GARNL3: variants seen among roughly 807,000 people sequenced by gnomAD.
GARNL3 encodes the protein GTPase activating Rap/RanGAP domain like 3, also known as GTPase-activating Rap/Ran-GAP domain-like protein 3.
Under a neutral mutation model 125.0 loss-of-function variants are expected in GARNL3, and 63 were observed. The observed-to-expected ratio is 0.50, with a 90% CI of 0.41 to 0.62. The LOEUF (loss-of-function observed/expected upper bound fraction) is 0.62, where lower values mean the gene tolerates loss of function less well. GARNL3 is among the 20% of genes least tolerant of loss of function. GARNL3 has a pLI of 0.00. For synonymous variants in GARNL3, 439 were observed against 457.5 expected (o/e 0.96, Z 0.52); for missense variants, 994 against 1,244.0 (o/e 0.80, Z 3.02).
chr9:127,333,019 G>A lies in GARNL3; in HGVS notation c.671-4G>A, dbSNP rs1482546100. 1.2e-6 allele frequency: 2 copies of A among 1,605,140 alleles called. No homozygotes were observed. Reference sequence around the variant, plus strand: ...CTTTCCTCATACTCTACTTCTTCCTGCAGAAATTGGAAGCGAGCCTTTTCA... The same window carrying A: ...CTTTCCTCATACTCTACTTCTTCCTACAGAAATTGGAAGCGAGCCTTTTCA... On this transcript the variant is annotated splice_polypyrimidine_tract_variant and splice_region_variant and intron_variant, in intron 8 of 27. Coordinates refer to ENST00000373387, the MANE Select transcript of GARNL3 (RefSeq NM_032293.5).
At chr9:127,299,581 T>G (rs1331512603) in intron 2 of GARNL3, among the ~76,000 whole-genome samples, 1 of 151,544 alleles carries the variant, frequency 6.6e-6, no homozygotes, top group Non-Finnish European at 1.5e-5. Flanking sequence ...TTTGTTTTTG[T>G]TTTTTTTGAG....
At chr9:127,368,163 T>C (rs1564185792) in intron 22 of GARNL3, among the ~76,000 whole-genome samples, 1 of 150,176 alleles carries the variant, frequency 6.7e-6, no homozygotes, top group Non-Finnish European at 1.5e-5. Flanking sequence ...GGCGACGGGA[T>C]CCACAAGGTT....
upstream of GARNL3, among the ~76,000 whole-genome samples, chr9:127,260,383 G>A (rs979764239): frequency 5.9e-5 from 9 of 152,140 alleles, no homozygotes; most frequent in Non-Finnish European, 8.8e-5. Context: ...ACAACCTCTC[G>A]GAATAGGGCC....
intron 19 of GARNL3, 147 bp downstream of exon 19, chr9:127,354,557 T>A: frequency 1.8e-6 from 1 of 561,950 alleles, no homozygotes; most frequent in Non-Finnish European, 3.2e-6. Context: ...GCATCACTGT[T>A]TCCAGAAGGA....
intron 2 of GARNL3, chr9:127,300,235 T>C: frequency 3.4e-6 from 1 of 296,672 alleles, no homozygotes; most frequent in East Asian, 9.4e-5. Context: ...ACACAATTTT[T>C]GAGCAAAAAA....
chr9:127,333,264 A>G (rs2131576090), intron 9 of GARNL3, 143 bp downstream of exon 9: 1 of 646,960 alleles, frequency 1.5e-6, no homozygotes, highest in Non-Finnish European at 2.7e-6. Flanking sequence ...ACCCTGTTCA[A>G]CATAGAGTCA....
intron 2 of GARNL3, among the ~76,000 whole-genome samples, chr9:127,249,326 G>A (rs1180369849): frequency 6.6e-6 from 1 of 152,180 alleles, no homozygotes; most frequent in Non-Finnish European, 1.5e-5. Flanking sequence ...GCTCACACCT[G>A]TAATCCCAGC....
chr9:127,239,478 A>G (rs1032326900), intron 1 of GARNL3, among the ~76,000 whole-genome samples: 10 of 152,170 alleles, frequency 6.6e-5, no homozygotes, highest in African/African-American at 2.4e-4. Context: ...GTTTGTCTAC[A>G]CTTAATCATA....
intron 20 of GARNL3, chr9:127,356,406 T>G (rs767557702): frequency 6.6e-6 from 1 of 152,202 alleles, no homozygotes; most frequent in Non-Finnish European, 1.5e-5. Context: ...CTCCCTGACA[T>G]CACCATCTCT....
intron 7 of GARNL3, among the ~76,000 whole-genome samples, chr9:127,329,402 A>T (rs952229232): frequency 6.6e-5 from 10 of 152,272 alleles, no homozygotes; most frequent in African/African-American, 2.2e-4. Flanking sequence ...TGAAGATCCT[A>T]CACCCTTGGG....
In GARNL3 at chr9:127,264,957, T is replaced by C. The variant is rs959146469; in HGVS notation, c.80T>C (p.Val27Ala). The C allele has an allele frequency of 2.5e-6, 4 of 1,613,306 alleles. No individual in the cohort carries two copies. In the African/African-American group the frequency reaches 4.0e-5, roughly 16 times the overall value. Residue 27 changes from valine to alanine, a missense_variant, in exon 1 of 28, where the codon GTC becomes GCC. Physicochemically the swap from Val to Ala is moderately conservative, Grantham distance 64. Transcript: ENST00000373387. ...ATGAAGCATTTTTGTTCCAGCTCTG[T>C]CTCGGAAGACCTAGGCTGTAGACGT... ...ILMKHFCSSS[V>A]SEDLGCRRGD...
Position 127,383,360 on chromosome 9 carries a change from C to A in GARNL3, c.2162-78C>A, listed in dbSNP as rs553603432. 8.9e-5 allele frequency: 75 copies of A among 843,206 alleles called. No homozygotes were observed. In the African/African-American group the frequency reaches 1.1e-3, roughly 13 times the overall value. The allele number at this position is 843,206 out of a possible 1,614,324, so 52.2% of individuals were successfully genotyped here. On this transcript the variant is annotated intron_variant, in intron 22 of 27. Coordinates refer to ENST00000373387, the MANE Select transcript of GARNL3 (RefSeq NM_032293.5). ...AGCAGATAGGGTACTATTCTTGTTG[C>A]CTGTTTTTCATTTCTTTAATTACAG...
chr9:127,229,786 A>G (rs1231433578), intron 1 of GARNL3, among the ~76,000 whole-genome samples: 1 of 152,198 alleles, frequency 6.6e-6, no homozygotes, highest in African/African-American at 2.4e-5. Context: ...TTGAGCCACC[A>G]TACCCAGCAG....
intron 22 of GARNL3, among the ~76,000 whole-genome samples, chr9:127,376,599 T>C (rs1831932685): frequency 6.6e-6 from 1 of 152,154 alleles, no homozygotes; most frequent in South Asian, 2.1e-4. Flanking sequence ...TCTTTCTTTC[T>C]TTCTTTTTTA....
In GARNL3 at chr9:127,385,918, ATG is replaced by A. The variant is rs919149371; in HGVS notation, c.2388+784_2388+785del. 4.6e-5 allele frequency among the ~76,000 whole-genome samples: 7 copies of A among 152,150 alleles called. No homozygotes were observed. The highest frequency in any genetic ancestry group is 6.5e-5 in the Admixed American group (1 of 15,282). ...CTTCAGTCCCGCAGTGCTCTGGAAA[ATG>A]TGTGTGTGTGCACATATGTGCATAT... On this transcript the variant is annotated intron_variant, in intron 24 of 27. Coordinates refer to ENST00000373387, the MANE Select transcript of GARNL3 (RefSeq NM_032293.5). This position sits in a 1 kb window ranked among gnomAD's most constrained non-coding sequence, Gnocchi z 4.1.
At chr9:127,367,769 T>G (rs1325064358) in intron 22 of GARNL3, among the ~76,000 whole-genome samples, 2 of 152,194 alleles carry the variant, frequency 1.3e-5, no homozygotes, top group Non-Finnish European at 2.9e-5. Flanking sequence ...AAAGCTCGCA[T>G]AAGTGCCCCT....
chr9:127,354,156 G>T, intron 18 of GARNL3, 138 bp from the exon 19 acceptor site: 1 of 707,502 alleles, frequency 1.4e-6, no homozygotes, highest in Non-Finnish European at 2.5e-6. Flanking sequence ...GCATTGTCAG[G>T]TTAAAGTGGT....
chr9:127,323,821 A>G (rs951061149), intron 6 of GARNL3, among the ~76,000 whole-genome samples: 2 of 152,214 alleles, frequency 1.3e-5, no homozygotes, highest in African/African-American at 4.8e-5. Context: ...AAAATTAATA[A>G]AAACCACAAG....
intron 14 of GARNL3, 36 bp downstream of exon 14, chr9:127,342,370 G>C (rs1363026624): frequency 7.3e-7 from 1 of 1,374,780 alleles, no homozygotes; most frequent in Admixed American, 1.7e-5. Context: ...TCCTTCTTAT[G>C]GGGTCTGAGT....
Sources: gnomAD v4.1 joint callset for allele counts (sites outside exome capture counted in the v4.1 genomes callset) on GRCh38, gnomAD v4.1.1 for gene constraint, Gnocchi (gnomAD v3.1) non-coding constraint, MANE v1.5 for transcripts, NCBI Gene and HGNC (gene_info 2026-07-23, HGNC 2026-07-21) for gene names.